Variants in FBXL13 observed in about 807,000 individuals in gnomAD.
FBXL13 encodes F-box and leucine-rich repeat protein 13.
A neutral mutation model predicts 83.6 loss-of-function variants in FBXL13; 67 were observed. That is an observed-to-expected ratio of 0.80 (90% CI 0.66 to 0.98). The LOEUF (loss-of-function observed/expected upper bound fraction) is 0.98, where lower values mean the gene tolerates loss of function less well. Among genes scored for constraint, FBXL13 ranks in the 50% least tolerant of loss-of-function variants. The pLI is 0.00. For synonymous variants in FBXL13, 272 were observed against 299.5 expected (o/e 0.91, Z 0.95); for missense variants, 822 against 866.5 (o/e 0.95, Z 0.64).
intron 16 of FBXL13, among the ~76,000 whole-genome samples, chr7:102,871,553 A>AT (rs1010581178): frequency 4.0e-5 from 6 of 148,516 alleles, no homozygotes; most frequent in South Asian, 4.3e-4. Flanking sequence ...GCCTGGCTAA[A>AT]TTTTTTTTTT....
chr7:103,003,436 C>G (rs561209037), intron 6 of FBXL13, among the ~76,000 whole-genome samples: 4 of 147,224 alleles, frequency 2.7e-5, no homozygotes, highest in African/African-American at 1.0e-4. Context: ...TACAGGTGCA[C>G]GCCACCATAC....
intron 2 of FBXL13, among the ~76,000 whole-genome samples, chr7:103,044,819 C>T (rs917711622): frequency 1.2e-4 from 19 of 152,202 alleles, no homozygotes; most frequent in African/African-American, 4.3e-4. Flanking sequence ...ATTCTTTCAT[C>T]TTGGAATGCT....
At chr7:103,068,973 A>G (rs1161060509) in intron 1 of FBXL13, among the ~76,000 whole-genome samples, 2 of 152,082 alleles carry the variant, frequency 1.3e-5, no homozygotes, top group Non-Finnish European at 2.9e-5. Flanking sequence ...TCTGGGAAGT[A>G]AGGAGCACCT....
chr7:102,959,421 A>C (rs1273179548), intron 8 of FBXL13, among the ~76,000 whole-genome samples: 1 of 152,020 alleles, frequency 6.6e-6, no homozygotes, highest in Admixed American at 6.6e-5. Flanking sequence ...TGTACTTAAA[A>C]ATCTATAGTA....
At chr7:102,916,628 C>T (rs1350410068) in intron 10 of FBXL13, among the ~76,000 whole-genome samples, 2 of 152,164 alleles carry the variant, frequency 1.3e-5, no homozygotes. Flanking sequence ...AATACTCATA[C>T]TCTTTATTCT....
At chr7:102,834,440 AT>A (rs1159563720) in intron 17 of FBXL13, among the ~76,000 whole-genome samples, 1 of 130,180 alleles carries the variant, frequency 7.7e-6, no homozygotes, top group African/African-American at 3.3e-5. Context: ...GATTATATAT[AT>A]TATATATATG....
At chr7:102,962,227 A>G (rs1257745233) in intron 8 of FBXL13, among the ~76,000 whole-genome samples, 2 of 151,980 alleles carry the variant, frequency 1.3e-5, no homozygotes, top group African/African-American at 4.8e-5. Context: ...CAAAAAACAC[A>G]TGAAAAAATG....
intron 11 of FBXL13, among the ~76,000 whole-genome samples, chr7:102,908,678 C>T (rs1368697727): frequency 6.6e-6 from 1 of 152,236 alleles, no homozygotes; most frequent in African/African-American, 2.4e-5. Flanking sequence ...CCCTGTTGGT[C>T]TGGGACAAGA....
intron 6 of FBXL13, chr7:102,976,062 G>T (rs779737036): frequency 1.6e-5 from 12 of 766,260 alleles, no homozygotes; most frequent in South Asian, 2.7e-5. Flanking sequence ...CTGGAAGTTG[G>T]ACTGTGAGCG....
intron 11 of FBXL13, chr7:102,912,868 T>C: frequency 1.9e-6 from 1 of 516,926 alleles, no homozygotes; most frequent in Non-Finnish European, 3.3e-6. Context: ...CAATGAGCTC[T>C]GCCTGTTTGT....
intron 11 of FBXL13, among the ~76,000 whole-genome samples, chr7:102,897,300 C>CT (rs1227539714): frequency 6.6e-6 from 1 of 151,828 alleles, no homozygotes; most frequent in Non-Finnish European, 1.5e-5. Context: ...CCCTGGGGCC[C>CT]TCTGTGCTTA....
chr7:102,972,433 T>C (rs2129482411), intron 6 of FBXL13, among the ~76,000 whole-genome samples: 1 of 152,294 alleles, frequency 6.6e-6, no homozygotes, highest in Non-Finnish European at 1.5e-5. Context: ...AATGGTTATC[T>C]TCTACAACAT....
chr7:103,027,405 C>T (rs181723722), intron 5 of FBXL13, 44 bp downstream of exon 6: 2 of 1,365,596 alleles, frequency 1.5e-6, no homozygotes, highest in South Asian at 1.2e-5. Flanking sequence ...ATGAATATAA[C>T]TGAAACATTC....
intron 10 of FBXL13, among the ~76,000 whole-genome samples, chr7:102,913,604 A>G (rs1281957348): frequency 6.6e-6 from 1 of 152,220 alleles, no homozygotes; most frequent in African/African-American, 2.4e-5. Context: ...GAGTACCAAA[A>G]TAATGTGCAA....
intron 6 of FBXL13, among the ~76,000 whole-genome samples, chr7:102,981,854 C>T (rs1476440647): frequency 1.3e-5 from 2 of 152,114 alleles, no homozygotes; most frequent in East Asian, 1.9e-4. Flanking sequence ...CTGAGTTTTG[C>T]GGGACATAAA....
rs141798829 is a variant in FBXL13, at chr7:102,825,204, C to T, written c.1855-3001G>A. Reference sequence around the variant, plus strand: ...CTATGGTTTGAATGTTTGTTCCCTCCAAAACACATATTGAAACTTAACCCA... The same window carrying T: ...CTATGGTTTGAATGTTTGTTCCCTCTAAAACACATATTGAAACTTAACCCA... On this transcript the variant is annotated intron_variant, in intron 18 of 19. Transcript: ENST00000313221. Among the ~76,000 whole-genome samples, 11 of 152,198 alleles carry T rather than the reference C, an allele frequency of 7.2e-5. No homozygotes were observed. The East Asian group carries it at 2.1e-3, about 29-fold the overall frequency.
At chr7:103,055,897 G>A (rs1797287612) in intron 1 of FBXL13, 150 bp from the exon 2 acceptor site, 1 of 399,814 alleles carries the variant, frequency 2.5e-6, no homozygotes, top group Non-Finnish European at 4.7e-6. Context: ...GGTGGTGTTT[G>A]GTTACATGAG....
chr7:102,910,450 G>A (rs921750658), intron 11 of FBXL13, among the ~76,000 whole-genome samples: 7 of 151,442 alleles, frequency 4.6e-5, no homozygotes, highest in African/African-American at 1.7e-4. Flanking sequence ...TGTATGCGAT[G>A]CCTGGGAAAA....
chr7:103,026,564 C>T (rs1793933277), intron 5 of FBXL13, among the ~76,000 whole-genome samples: 1 of 152,182 alleles, frequency 6.6e-6, no homozygotes, highest in African/African-American at 2.4e-5. Context: ...GCCTGCAAGA[C>T]CACCAGCTCA....
Sources: allele counts gnomAD v4.1 joint callset (sites outside exome capture counted in the v4.1 genomes callset), GRCh38; gene constraint gnomAD v4.1.1; transcripts MANE v1.5; gene names NCBI Gene and HGNC (gene_info 2026-07-23, HGNC 2026-07-21).